The following ACSL6 variants were observed in gnomAD, a reference collection of about 807,000 sequenced individuals.
ACSL6 encodes the protein long-chain-fatty-acid--CoA ligase 6.
ACSL6 carries 47 observed loss-of-function variants against 98.2 expected under a neutral mutation model. The ratio of observed to expected loss-of-function variants is 0.48; its 90% CI spans 0.38 to 0.61. The LOEUF (loss-of-function observed/expected upper bound fraction) is 0.61. Ranked by LOEUF, ACSL6 falls within the 20% of genes least tolerant of loss-of-function variation. ACSL6 has a pLI of 0.00. For synonymous variants in ACSL6, 362 were observed against 336.9 expected, an observed-to-expected ratio of 1.07 and a Z score of -0.82; for missense variants, 761 against 913.4, an observed-to-expected ratio of 0.83 and a Z score of 2.15.
chr5:132,003,201 A>C (rs1021100651), intron 1 of ACSL6, among the ~76,000 whole-genome samples: 1 of 152,234 alleles, frequency 6.6e-6, no homozygotes, highest in African/African-American at 2.4e-5. Context: ...GAATGCCTCA[A>C]GAAGAAACAA....
chr5:131,963,870 C>G (rs1752869753), intron 17 of ACSL6, among the ~76,000 whole-genome samples: 1 of 152,086 alleles, frequency 6.6e-6, no homozygotes, highest in Non-Finnish European at 1.5e-5. Context: ...TCCTCATGGT[C>G]CATTAGCTGG....
rs766888435 is a variant in ACSL6 at position 131,959,584 on chromosome 5, T to G, written c.1983A>C (p.Glu661Asp). The change falls in exon 20 of 21, where the codon GAA (glutamate) becomes GAC (aspartate). Residue 661 changes from glutamate (E) to aspartate (D), a missense_variant. Physicochemically the swap from Glu to Asp is conservative, Grantham distance 45. Coordinates refer to ENST00000651883, the MANE Select transcript of ACSL6 (RefSeq NM_001009185.3). ...TNKDLKKAILEDMVRLGKESG... is the reference protein window; with the variant it reads ...TNKDLKKAILDDMVRLGKESG... Reference sequence around the variant, plus strand: ...TTTCTTTTCCTAACCTCACCATATCTTCCAAAATGGCTTTCTTCAGATCCT... The same window carrying G: ...TTTCTTTTCCTAACCTCACCATATCGTCCAAAATGGCTTTCTTCAGATCCT... The G allele has an allele frequency of 6.2e-7, 1 of 1,614,230 alleles. No individual in the cohort carries two copies. Among genetic ancestry groups the G allele is most frequent in the Non-Finnish European group, 8.5e-7 (1 of 1,180,036 alleles).
Position 132,011,308 on chromosome 5 carries a change from C to T in ACSL6, c.49+197G>A. Reference sequence around the variant, plus strand: ...ATCTCCCTCCGCAGACCCAGGTGCTCCCCAAACCCGGCCCGGAGCCCGCGA... The same window carrying T: ...ATCTCCCTCCGCAGACCCAGGTGCTTCCCAAACCCGGCCCGGAGCCCGCGA... On this transcript the variant is annotated intron_variant, in intron 1 of 20. Transcript: ENST00000651883. This position sits in a 1 kb window ranked among gnomAD's most constrained non-coding sequence, Gnocchi z 5.4. 1.6e-6 allele frequency: 1 copy of T among 636,990 alleles called. No homozygotes were observed. The highest frequency in any genetic ancestry group is 1.8e-5 in the South Asian group (1 of 54,084). The allele number at this position is 636,990 out of a possible 1,614,324, so 39.5% of individuals were successfully genotyped here. A position where few individuals can be genotyped will look rare whatever the true frequency, so the allele number is the denominator to read the frequency against.
chr5:132,003,094 A>C (rs947167824), intron 1 of ACSL6, among the ~76,000 whole-genome samples: 13 of 152,208 alleles, frequency 8.5e-5, no homozygotes, highest in Non-Finnish European at 1.6e-4. Flanking sequence ...AGCAAGACAA[A>C]AAGAGTTTTG....
At position 132,011,421 on chromosome 5, in the gene ACSL6, G is replaced by A; in HGVS notation, c.49+84C>T. 1.4e-6 allele frequency: 2 copies of A among 1,451,924 alleles called. No individual in the cohort carries two copies. Among genetic ancestry groups the A allele is most frequent in the Admixed American group, 3.4e-5 (2 of 58,798 alleles). The allele number at this position is 1,451,924 out of a possible 1,614,324, so 89.9% of individuals were successfully genotyped here. A position where few individuals can be genotyped will look rare whatever the true frequency, so the allele number is the denominator to read the frequency against. The stretch of plus-strand genomic sequence containing the variant: ...AGGGGATGGGGGCTCGGCGGCCGCG[G>A]AGATGTAACACCTCCACCTCGGGCG... On this transcript the variant is annotated intron_variant, in intron 1 of 20. Transcript: ENST00000651883. This position sits in a 1 kb window ranked among gnomAD's most constrained non-coding sequence, Gnocchi z 5.4.
chr5:131,971,617 A>G lies in ACSL6; in HGVS notation c.1367T>C (p.Ile456Thr), dbSNP rs763429797. Reference protein sequence around the residue: ...QASLGGCVRMIVTGAAPASPT... With the variant: ...QASLGGCVRMTVTGAAPASPT... ...TGATGCTGGGGCTGCTCCAGTAACA[A>G]TCATCCGCACACACCCACCAAGACT... The change falls in exon 14 of 21, where the codon ATT (isoleucine) becomes ACT (threonine). Residue 456 changes from isoleucine to threonine, a missense_variant. Physicochemically the swap from Ile to Thr is moderately conservative, Grantham distance 89. Transcript: ENST00000651883. The G allele has an allele frequency of 1.2e-6, 2 of 1,612,388 alleles. No homozygotes were observed. Among genetic ancestry groups the G allele is most frequent in the Non-Finnish European group, 1.7e-6 (2 of 1,179,132 alleles).
chr5:131,978,263 A>G lies in ACSL6; in HGVS notation c.917-1542T>C, dbSNP rs140551383. Among the ~76,000 whole-genome samples the G allele has an allele frequency of 3.8e-3, 572 of 152,334 alleles. 4 individuals are homozygous for G. Among genetic ancestry groups the G allele is most frequent in the African/African-American group, 0.013 (542 of 41,570 alleles). ...AGGGGAGACAATCAAGAGTACACCAAAGACAGAAGCTGAAGTGGAGCAGGC... is the reference window on the plus strand; with the variant it reads ...AGGGGAGACAATCAAGAGTACACCAGAGACAGAAGCTGAAGTGGAGCAGGC... On this transcript the variant is annotated intron_variant, in intron 9 of 20. Coordinates refer to ENST00000651883, the MANE Select transcript of ACSL6 (RefSeq NM_001009185.3).
chr5:132,005,022 GGCACCT>G (rs1755323834), intron 1 of ACSL6, among the ~76,000 whole-genome samples: 1 of 152,080 alleles, frequency 6.6e-6, no homozygotes, highest in Non-Finnish European at 1.5e-5. Context: ...TGTGGTGGCA[GGCACCT>G]GTAATCCCAG....
Position 131,973,345 on chromosome 5 carries a change from A to G in ACSL6, c.1124T>C (p.Leu375Pro). The change falls in exon 12 of 21, where the codon CTT becomes CCT. Residue 375 changes from leucine (L) to proline (P), a missense_variant. By Grantham distance (98) the Leu-to-Pro change is moderately conservative (BLOSUM62 -3). Transcript: ENST00000651883. ...RVGFFQGDIR[L>P]LSDDMKALCP... Reference sequence around the variant, plus strand: ...TAGAGCCTTCATGTCATCTGAGAGAAGGCGGATATCTCCCTGGAAGAAGCC... The same window carrying G: ...TAGAGCCTTCATGTCATCTGAGAGAGGGCGGATATCTCCCTGGAAGAAGCC... The G allele has an allele frequency of 6.2e-7, 1 of 1,614,210 alleles. No individual in the cohort carries two copies. Among genetic ancestry groups the G allele is most frequent in the Non-Finnish European group, 8.5e-7 (1 of 1,180,026 alleles).
chr5:131,961,087 T>A (rs1752680048), intron 18 of ACSL6: 1 of 155,772 alleles, frequency 6.4e-6, no homozygotes, highest in African/African-American at 2.4e-5. Flanking sequence ...TTCAGTGGTA[T>A]AATCATGGCT....
At chr5:131,985,646 A>G (rs941368139) in intron 8 of ACSL6, among the ~76,000 whole-genome samples, 188 bp from the exon 9 acceptor site, 22 of 152,198 alleles carry the variant, frequency 1.4e-4, no homozygotes, top group African/African-American at 5.3e-4. Context: ...CTCAGGAAAA[A>G]GAAAAAGAAG....
At chr5:132,012,119 T>C, upstream of ACSL6, 2 of 618,908 alleles carry the variant, frequency 3.2e-6, no homozygotes, top group Non-Finnish European at 4.9e-6. Flanking sequence ...TCCTGTGGGC[T>C]GTTGCCCGCT....
intron 13 of ACSL6, among the ~76,000 whole-genome samples, chr5:131,971,973 C>T (rs942259089): frequency 6.6e-6 from 1 of 152,186 alleles, no homozygotes. Flanking sequence ...CGTCACTCTC[C>T]CATCATTGAC....
chr5:131,971,214 C>T (rs1341167594), intron 14 of ACSL6, among the ~76,000 whole-genome samples: 1 of 152,148 alleles, frequency 6.6e-6, no homozygotes, highest in Non-Finnish European at 1.5e-5. Flanking sequence ...ATTTTGCAGG[C>T]TGAAGAAGGT....
chr5:131,988,405 G>A (rs981188202), intron 6 of ACSL6, 179 bp from the exon 7 acceptor site: 27 of 1,280,118 alleles, frequency 2.1e-5, no homozygotes, highest in Middle Eastern at 1.9e-4. Context: ...GGTCCTGGGC[G>A]GAACCAAGGG....
chr5:131,962,663 T>TTTA lies in ACSL6; in HGVS notation c.1728_1729insTAA (p.Lys576_Ile577insTer), dbSNP rs1428760755. ...AATATATGCTTTTTCCGATCAATAATTTTAAGAGTTCCTGCCTGTAGAGTT... is the reference window on the plus strand; with the variant it reads ...AATATATGCTTTTTCCGATCAATAATTTATTTAAGAGTTCCTGCCTGTAGAGTT... On this transcript the variant is annotated stop_gained and inframe_insertion, in exon 18 of 21. Transcript: ENST00000651883. LOFTEE classifies it high-confidence loss of function. 1 of 1,614,132 alleles carries TTTA rather than the reference T, an allele frequency of 6.2e-7. No individual in the cohort carries two copies.
intron 9 of ACSL6, 47 bp from the exon 10 acceptor site, chr5:131,976,768 C>A (rs532466856): frequency 3.2e-6 from 5 of 1,543,142 alleles, no homozygotes; most frequent in Admixed American, 3.3e-5. Flanking sequence ...ACTCAAGGGC[C>A]ACTTCTTGAG....
intron 15 of ACSL6, among the ~76,000 whole-genome samples, chr5:131,969,306 T>C (rs1753177482): frequency 6.6e-6 from 1 of 152,242 alleles, no homozygotes; most frequent in Non-Finnish European, 1.5e-5. Context: ...ACTGAAATCA[T>C]ATTTGGCCAA....
chr5:131,988,239 A>G lies in ACSL6; in HGVS notation c.653-13T>C, dbSNP rs1360020148. ...GTGCTGATGTCCGCTGCAGGGGGCC[A>G]TCAAGGAGAGTCAGGCCATGTGGGC... On this transcript the variant is annotated splice_polypyrimidine_tract_variant and intron_variant, in intron 6 of 20. Transcript: ENST00000651883. 1.8e-5 allele frequency: 29 copies of G among 1,613,276 alleles called. No homozygotes were observed. Among genetic ancestry groups the G allele is most frequent in the Non-Finnish European group, 2.4e-5 (28 of 1,179,432 alleles).
Sources: gnomAD v4.1 joint callset for allele counts (sites outside exome capture counted in the v4.1 genomes callset) on GRCh38, gnomAD v4.1.1 for gene constraint, Gnocchi (gnomAD v3.1) non-coding constraint, MANE v1.5 for transcripts, NCBI Gene and HGNC (gene_info 2026-07-23, HGNC 2026-07-21) for gene names.